The following CTNND2 variants were observed in gnomAD, a reference collection of about 807,000 sequenced individuals.
The protein encoded by CTNND2 is catenin delta 2.
Under a neutral mutation model 144.4 loss-of-function variants are expected in CTNND2, and 22 were observed. The observed-to-expected ratio is 0.15, with a 90% CI of 0.11 to 0.22. CTNND2 has a LOEUF of 0.22. CTNND2 is among the 10% of genes least tolerant of loss of function. The pLI is 1.00. For synonymous variants in CTNND2, 751 were observed against 695.6 expected, an observed-to-expected ratio of 1.08 and a Z score of -1.25; for missense variants, 1,353 against 1,618.8, an observed-to-expected ratio of 0.84 and a Z score of 2.82.
chr5:11,144,153 A>T (rs763051920), intron 12 of CTNND2, among the ~76,000 whole-genome samples: 3 of 140,676 alleles, frequency 2.1e-5, no homozygotes, highest in Non-Finnish European at 4.6e-5. Context: ...CTATGAGCAG[A>T]TCCTTAGTCT....
At chr5:11,404,263 C>G (rs1241750395) in intron 5 of CTNND2, among the ~76,000 whole-genome samples, 2 of 152,266 alleles carry the variant, frequency 1.3e-5, no homozygotes, top group South Asian at 2.1e-4. Flanking sequence ...GCCACGAAGA[C>G]CCCAGAATTC....
intron 9 of CTNND2, among the ~76,000 whole-genome samples, chr5:11,288,255 C>T (rs1042867484): frequency 6.6e-6 from 1 of 152,088 alleles, no homozygotes; most frequent in Non-Finnish European, 1.5e-5. Flanking sequence ...CACTGATGTA[C>T]TGACAATCAT....
At position 11,117,478 on chromosome 5, in the gene CTNND2, G is replaced by A. The variant is rs750856111; in HGVS notation, c.2249C>T (p.Ala750Val). ...GCTATCGATCTCACTGCTCCCCAGC[G>A]CAGACTGGATCACGTACAGCAAGGC... ...TDALLYVIQS[A>V]LGSSEIDSKT... is the part of the protein sequence containing the mutation. Residue 750 changes from alanine (A) to valine (V), a missense_variant, in exon 13 of 22, where the codon GCG (alanine) becomes GTG (valine). Physicochemically the swap from Ala to Val is moderately conservative, Grantham distance 64 (BLOSUM62 0). This residue lies in a region of CTNND2 where 459 missense variants were observed against 674.3 expected (regional missense o/e 0.68). Transcript: ENST00000304623. 41 of 1,613,852 alleles carry A rather than the reference G, an allele frequency of 2.5e-5. No homozygotes were observed. The highest frequency in any genetic ancestry group is 5.5e-5 in the South Asian group (5 of 91,080).
intron 3 of CTNND2, among the ~76,000 whole-genome samples, chr5:11,418,982 A>G (rs1414842339): frequency 6.6e-6 from 1 of 150,908 alleles, no homozygotes; most frequent in African/African-American, 2.4e-5. Context: ...ATTAATACAT[A>G]TACATGCATC....
intron 2 of CTNND2, among the ~76,000 whole-genome samples, chr5:11,666,592 C>T (rs920199449): frequency 2.0e-5 from 3 of 152,110 alleles, no homozygotes; most frequent in African/African-American, 4.8e-5. Context: ...CTAAGTCTGC[C>T]TGATCATTGG....
intron 2 of CTNND2, among the ~76,000 whole-genome samples, chr5:11,639,921 G>T (rs1304273153): frequency 6.6e-6 from 1 of 152,118 alleles, no homozygotes; most frequent in African/African-American, 2.4e-5. Flanking sequence ...TGAAAGTCTG[G>T]CTGGAATCCC....
intron 2 of CTNND2, among the ~76,000 whole-genome samples, chr5:11,582,706 A>G (rs1161358286): frequency 4.6e-5 from 7 of 152,218 alleles, no homozygotes; most frequent in African/African-American, 1.7e-4. Context: ...CCAGTAAAAT[A>G]TTCTTCTACA....
intron 3 of CTNND2, among the ~76,000 whole-genome samples, chr5:11,477,088 G>A (rs1767813864): frequency 6.6e-6 from 1 of 152,222 alleles, no homozygotes; most frequent in African/African-American, 2.4e-5. Context: ...GAATGAGACT[G>A]TGTTGATTGT....
chr5:11,258,173 A>G (rs1482041223), intron 9 of CTNND2, among the ~76,000 whole-genome samples: 1 of 152,154 alleles, frequency 6.6e-6, no homozygotes, highest in Non-Finnish European at 1.5e-5. Context: ...CAGATATCAG[A>G]GTAGTGCAAA....
chr5:11,474,727 C>A (rs1435652255), intron 3 of CTNND2, among the ~76,000 whole-genome samples: 6 of 152,172 alleles, frequency 3.9e-5, no homozygotes. Context: ...ACCATGATAG[C>A]TGAAATTTCT....
chr5:10,979,120 C>T (rs184828103), intron 21 of CTNND2, among the ~76,000 whole-genome samples: 7 of 152,080 alleles, frequency 4.6e-5, no homozygotes, highest in Non-Finnish European at 8.8e-5. Flanking sequence ...ACACTCTTGG[C>T]GGCAAAATCA....
At chr5:11,194,883 T>C (rs906763129) in intron 11 of CTNND2, among the ~76,000 whole-genome samples, 1 of 152,228 alleles carries the variant, frequency 6.6e-6, no homozygotes, top group Non-Finnish European at 1.5e-5. Context: ...AGAGATGATA[T>C]TCTCTTGGGC....
At chr5:11,408,625 G>A (rs1046955513) in intron 5 of CTNND2, among the ~76,000 whole-genome samples, 8 of 152,070 alleles carry the variant, frequency 5.3e-5, no homozygotes, top group East Asian at 3.9e-4. Context: ...AATTCAGTAC[G>A]TGACAATATA....
At chr5:11,062,219 T>A (rs1285805352) in intron 16 of CTNND2, among the ~76,000 whole-genome samples, 1 of 151,976 alleles carries the variant, frequency 6.6e-6, no homozygotes, top group African/African-American at 2.4e-5. Flanking sequence ...TGTATTAGCA[T>A]ATTTTGCCAA....
rs1758867372 is a variant in CTNND2 at position 11,384,738 on chromosome 5, C to T, written c.1104G>A (p.Ala368=). 3 of 1,612,736 alleles carry T rather than the reference C, an allele frequency of 1.9e-6. No homozygotes were observed. The highest frequency in any genetic ancestry group is 2.5e-6 in the Non-Finnish European group (3 of 1,179,672). ...TLSPTKRLVH[A]SEQYSKHSQE... is the part of the protein sequence containing the mutation. ...GCGAGTGCTTGCTGTACTGCTCGGA[C>T]GCGTGGACCAGGCGCTTGGTGGGCG... The change falls in exon 7 of 22, where the codon GCG becomes GCA. Residue 368 remains alanine (A), a synonymous_variant. Coordinates refer to ENST00000304623, the MANE Select transcript of CTNND2 (RefSeq NM_001332.4). This position sits in a 1 kb window ranked among gnomAD's most constrained non-coding sequence, Gnocchi z 5.2.
At chr5:11,728,308 G>GA (rs34137942) in intron 2 of CTNND2, among the ~76,000 whole-genome samples, 6,337 of 144,170 alleles carry the variant, frequency 0.044, 378 homozygotes, top group African/African-American at 0.14. Flanking sequence ...TGTCTCTACT[G>GA]AAAAAAAAAA....
At chr5:11,701,259 A>G (rs1785419159) in intron 2 of CTNND2, among the ~76,000 whole-genome samples, 1 of 152,198 alleles carries the variant, frequency 6.6e-6, no homozygotes, top group African/African-American at 2.4e-5. Context: ...GGAAAACCCT[A>G]GCACTACCCC....
intron 3 of CTNND2, among the ~76,000 whole-genome samples, chr5:11,537,214 AT>A (rs1774288289): frequency 6.6e-6 from 1 of 152,112 alleles, no homozygotes; most frequent in African/African-American, 2.4e-5. Context: ...GTATTAATTA[AT>A]TTGACAAATT....
intron 16 of CTNND2, among the ~76,000 whole-genome samples, chr5:11,079,149 A>G (rs1019523893): frequency 6.6e-6 from 1 of 152,230 alleles, no homozygotes; most frequent in African/African-American, 2.4e-5. Flanking sequence ...CCATGTAACT[A>G]TAAAAACATT....
Sources: gnomAD v4.1 joint callset for allele counts (sites outside exome capture counted in the v4.1 genomes callset) on GRCh38, gnomAD v4.1.1 for gene constraint, gnomAD v4.1.1 regional missense constraint, Gnocchi (gnomAD v3.1) non-coding constraint, MANE v1.5 for transcripts, NCBI Gene and HGNC (gene_info 2026-07-23, HGNC 2026-07-21) for gene names.